DNM1: variants seen among roughly 807,000 people sequenced by gnomAD.
The protein encoded by DNM1 is dynamin 1.
In DNM1, 29 loss-of-function variants were observed where a neutral mutation model predicts 104.6. That is an observed-to-expected ratio of 0.28 (90% CI 0.21 to 0.38). DNM1 has a LOEUF of 0.38. DNM1 is among the 10% of genes least tolerant of loss of function. The pLI, the probability that DNM1 is intolerant of heterozygous loss-of-function variation, is 1.00. For missense variants in DNM1, 640 were observed against 1,189.4 expected (o/e 0.54, Z 6.79); for synonymous variants, 445 against 475.8 (o/e 0.94, Z 0.84).
intron 11 of DNM1, among the ~76,000 whole-genome samples, chr9:128,234,417 C>A (rs1835884180): frequency 6.6e-6 from 1 of 152,240 alleles, no homozygotes; most frequent in Non-Finnish European, 1.5e-5. Context: ...GGCTGGAGTG[C>A]AGTGGTGTGA....
chr9:128,234,573 C>G (rs951215248), intron 11 of DNM1, among the ~76,000 whole-genome samples: 1 of 152,204 alleles, frequency 6.6e-6, no homozygotes, highest in Non-Finnish European at 1.5e-5. Flanking sequence ...AGGGTTTCAC[C>G]ACGTTGGCCA....
chr9:128,234,250 TTCTC>T (rs1025466796), intron 11 of DNM1, 143 bp downstream of exon 11: 2 of 682,644 alleles, frequency 2.9e-6, no homozygotes, highest in South Asian at 1.9e-5. Flanking sequence ...GACTCTCTGC[TTCTC>T]TCTCTTTTTT....
rs1230289103 is a variant in DNM1, at chr9:128,250,711, C to G, written c.2319-14C>G. The G allele has an allele frequency of 6.8e-7, 1 of 1,460,770 alleles. No individual in the cohort carries two copies. Among genetic ancestry groups the G allele is most frequent in the Admixed American group, 2.5e-5 (1 of 40,560 alleles). The allele number at this position is 1,460,770 out of a possible 1,614,324, so 90.5% of individuals were successfully genotyped here. A position where few individuals can be genotyped will look rare whatever the true frequency, so the allele number is the denominator to read the frequency against. On this transcript the variant is annotated splice_polypyrimidine_tract_variant and intron_variant, in intron 20 of 21. Coordinates refer to ENST00000372923, the MANE Select transcript of DNM1 (RefSeq NM_004408.4). The stretch of plus-strand genomic sequence containing the variant: ...TCTCGCCTCTCCTTGTTCCTCGCTC[C>G]CTGTCGCCCTCAGGTCGCCCACGTC...
At chr9:128,241,887 A>G (rs1353185164) in intron 14 of DNM1, among the ~76,000 whole-genome samples, 3 of 152,190 alleles carry the variant, frequency 2.0e-5, no homozygotes, top group Admixed American at 6.5e-5. Flanking sequence ...TGAGACCTTA[A>G]GCTTCCAAGA....
rs531228883 is a variant in DNM1, at chr9:128,224,461, C to A, written c.1335+72C>A. On this transcript the variant is annotated intron_variant, in intron 10 of 21. Transcript: ENST00000372923. This position sits in a 1 kb window ranked among gnomAD's most constrained non-coding sequence, Gnocchi z 4.3. Reference sequence around the variant, plus strand: ...GCACTGCTGCCAGGCGCTCCTTCCCCATGTCCCCCCCTGCCTCCTCGGTAG... The same window carrying A: ...GCACTGCTGCCAGGCGCTCCTTCCCAATGTCCCCCCCTGCCTCCTCGGTAG... 2.5e-4 allele frequency: 364 copies of A among 1,481,272 alleles called. 6 individuals are homozygous for A. The South Asian group carries it at 4.1e-3, about 17-fold the overall frequency. The allele number at this position is 1,481,272 out of a possible 1,614,324, so 91.8% of individuals were successfully genotyped here.
intron 11 of DNM1, among the ~76,000 whole-genome samples, chr9:128,235,330 CT>C (rs1360890303): frequency 6.6e-6 from 1 of 151,958 alleles, no homozygotes; most frequent in African/African-American, 2.4e-5. Context: ...CCCGTCTCTA[CT>C]AAAAATACAA....
In DNM1 at chr9:128,240,007, G is replaced by A. The variant is rs764266368; in HGVS notation, c.1557+11G>A. The A allele has an allele frequency of 5.6e-6, 9 of 1,614,012 alleles. No individual in the cohort carries two copies. The South Asian group carries it at 9.9e-5, about 18-fold the overall frequency. ...CAGGATGAGATTCTGGTGAGTACCA[G>A]GACTGGGGCTCTCGGCTTGTGTAGT... On this transcript the variant is annotated intron_variant, in intron 14 of 21. Transcript: ENST00000372923. This position sits in a 1 kb window ranked among gnomAD's most constrained non-coding sequence, Gnocchi z 5.1.
intron 21 of DNM1, chr9:128,252,581 G>C (rs1829594526): frequency 2.6e-6 from 1 of 387,968 alleles, no homozygotes. Flanking sequence ...GAGCTCTGTG[G>C]GCAGGGTGGG....
intron 15 of DNM1, among the ~76,000 whole-genome samples, chr9:128,242,712 A>G (rs1250981300): frequency 6.6e-6 from 1 of 152,138 alleles, no homozygotes; most frequent in East Asian, 1.9e-4. Flanking sequence ...GTGAGCCGAG[A>G]TCGCACCATT....
chr9:128,227,971 C>A (rs1378060031), intron 10 of DNM1, among the ~76,000 whole-genome samples: 1 of 152,190 alleles, frequency 6.6e-6, no homozygotes, highest in Non-Finnish European at 1.5e-5. Flanking sequence ...GCCTCAGCCT[C>A]CCAAGTAGTG....
chr9:128,241,253 A>G (rs1836347054), intron 14 of DNM1, among the ~76,000 whole-genome samples: 1 of 152,134 alleles, frequency 6.6e-6, no homozygotes, highest in Non-Finnish European at 1.5e-5. Context: ...GTCAGCGTCC[A>G]GGAGGGAGCA....
In DNM1 at chr9:128,239,567, C is replaced by CGTGTGT. The variant is rs34036148; in HGVS notation, c.1493+97_1493+102dup. On this transcript the variant is annotated intron_variant, in intron 12 of 21. Coordinates refer to ENST00000372923, the MANE Select transcript of DNM1 (RefSeq NM_004408.4). Reference sequence around the variant, plus strand: ...AGTGCTCCCTGGGCAGAGAAGGTAACGTGTGTGTGTGTGTGTGTGTGTGTG... The same window carrying CGTGTGT: ...AGTGCTCCCTGGGCAGAGAAGGTAACGTGTGTGTGTGTGTGTGTGTGTGTGTGTGTG... 3.8e-3 allele frequency: 3,393 copies of CGTGTGT among 881,906 alleles called. 6 individuals carry two copies. Among genetic ancestry groups the CGTGTGT allele is most frequent in the African/African-American group, 0.01 (527 of 52,040 alleles). 54.6% of individuals were successfully genotyped at this position (881,906 alleles called of 1,614,324 possible).
At chr9:128,246,624 A>G in intron 16 of DNM1, 121 bp downstream of exon 16, 1 of 684,084 alleles carries the variant, frequency 1.5e-6, no homozygotes, top group East Asian at 2.7e-5. Flanking sequence ...CAAGCCATCC[A>G]CTGACAGATG....
chr9:128,232,916 C>CT (rs1040229871), intron 10 of DNM1, among the ~76,000 whole-genome samples: 54 of 152,358 alleles, frequency 3.5e-4, no homozygotes, highest in African/African-American at 1.3e-3. Flanking sequence ...GGCCATGGGC[C>CT]TGGCCCTGCC....
intron 1 of DNM1, among the ~76,000 whole-genome samples, chr9:128,211,709 T>A (rs1834313743): frequency 6.6e-6 from 1 of 152,056 alleles, no homozygotes; most frequent in Non-Finnish European, 1.5e-5. Flanking sequence ...CCTCTTTCAC[T>A]GGGTCTTTCC....
In DNM1 at chr9:128,203,716, C is replaced by A; in HGVS notation, c.161+85C>A. The A allele has an allele frequency of 7.8e-7, 1 of 1,280,042 alleles. No individual in the cohort carries two copies. Among genetic ancestry groups the A allele is most frequent in the South Asian group, 1.9e-5 (1 of 52,024 alleles). 79.3% of individuals were successfully genotyped at this position (1,280,042 alleles called of 1,614,324 possible). On this transcript the variant is annotated intron_variant, in intron 1 of 21. Coordinates refer to ENST00000372923, the MANE Select transcript of DNM1 (RefSeq NM_004408.4). This position sits in a 1 kb window ranked among gnomAD's most constrained non-coding sequence, Gnocchi z 5.3. ...CCCGGGGCACTGACGGCGCGGCGAC[C>A]TCGCAGCCCCCGACGCTGCACCCGC...
At chr9:128,216,673 A>G (rs1834623972) in intron 1 of DNM1, among the ~76,000 whole-genome samples, 1 of 152,206 alleles carries the variant, frequency 6.6e-6, no homozygotes, top group Non-Finnish European at 1.5e-5. Context: ...AGAGGCTTCA[A>G]GAGGGGGCTT....
chr9:128,229,600 C>CA (rs56072236), intron 10 of DNM1, among the ~76,000 whole-genome samples: 1,389 of 66,520 alleles, frequency 0.021, 62 homozygotes, highest in African/African-American at 0.062. Context: ...AAAACCTTAT[C>CA]AAAAAAAAAA....
intron 13 of DNM1, 55 bp downstream of exon 13, chr9:128,239,834 A>G (rs1836255211): frequency 6.3e-7 from 1 of 1,581,218 alleles, no homozygotes; most frequent in African/African-American, 1.3e-5. Context: ...GACGGACACC[A>G]GACTCTGAGA....
Sources: gnomAD v4.1 joint callset for allele counts (sites outside exome capture counted in the v4.1 genomes callset) on GRCh38, gnomAD v4.1.1 for gene constraint, Gnocchi (gnomAD v3.1) non-coding constraint, MANE v1.5 for transcripts, NCBI Gene and HGNC (gene_info 2026-07-23, HGNC 2026-07-21) for gene names.